OSBPL11: variants seen among roughly 807,000 people sequenced by gnomAD.
The protein encoded by OSBPL11 is oxysterol binding protein like 11, also known as oxysterol-binding protein-related protein 11.
Under a neutral mutation model 84.4 loss-of-function variants are expected in OSBPL11, and 33 were observed. The observed-to-expected ratio is 0.39, with a 90% CI of 0.30 to 0.52. The LOEUF (loss-of-function observed/expected upper bound fraction) is 0.52. Among genes scored for constraint, OSBPL11 ranks in the 20% least tolerant of loss-of-function variants. OSBPL11 has a pLI of 0.72. For missense variants in OSBPL11, 736 were observed against 901.1 expected (o/e 0.82, Z 2.35); for synonymous variants, 276 against 310.2 (o/e 0.89, Z 1.16).
At chr3:125,586,190 T>C (rs1936507665) in intron 1 of OSBPL11, among the ~76,000 whole-genome samples, 1 of 152,236 alleles carries the variant, frequency 6.6e-6, no homozygotes, top group Non-Finnish European at 1.5e-5. Flanking sequence ...TATCTGATTA[T>C]ATTATACTAT....
chr3:125,552,688 ACAAT>A lies in OSBPL11; in HGVS notation c.1156-13_1156-10del. The stretch of plus-strand genomic sequence containing the variant: ...AATGTAGGAAGCACCACCTAAAACA[ACAAT>A]CAATGAAAGAGGGGAAATTTAATCC... On this transcript the variant is annotated splice_polypyrimidine_tract_variant and intron_variant, in intron 8 of 12. Transcript: ENST00000296220. The A allele has an allele frequency of 6.2e-7, 1 of 1,604,296 alleles. No individual in the cohort carries two copies. The highest frequency in any genetic ancestry group is 8.5e-7 in the Non-Finnish European group (1 of 1,175,058).
intron 1 of OSBPL11, among the ~76,000 whole-genome samples, chr3:125,594,102 G>A (rs1448458307): frequency 6.6e-6 from 1 of 152,214 alleles, no homozygotes; most frequent in African/African-American, 2.4e-5. Flanking sequence ...CTCAGGTTTA[G>A]TTTATCAGAG....
chr3:125,531,267 C>T (rs1433259654), intron 12 of OSBPL11, among the ~76,000 whole-genome samples: 11 of 150,570 alleles, frequency 7.3e-5, no homozygotes, highest in African/African-American at 1.7e-4. Flanking sequence ...CGTGAGCCAC[C>T]GCGCCAGGCC....
chr3:125,538,740 A>G, intron 10 of OSBPL11, 107 bp from the exon 11 acceptor site: 2 of 926,766 alleles, frequency 2.2e-6, no homozygotes, highest in South Asian at 3.8e-5. Context: ...GAAATTAGTT[A>G]TATACCTCAC....
chr3:125,562,211 A>G (rs1272172275), intron 7 of OSBPL11, among the ~76,000 whole-genome samples: 3 of 152,164 alleles, frequency 2.0e-5, no homozygotes, highest in Non-Finnish European at 2.9e-5. Flanking sequence ...AGAAAAAAAT[A>G]TATTGCTTTA....
chr3:125,544,130 A>T (rs1370228257), intron 10 of OSBPL11, among the ~76,000 whole-genome samples: 1 of 144,492 alleles, frequency 6.9e-6, no homozygotes, highest in Non-Finnish European at 1.5e-5. Context: ...ATCTTGGCTC[A>T]CTGCAATCTC....
At chr3:125,546,725 A>C (rs1935823756) in intron 10 of OSBPL11, among the ~76,000 whole-genome samples, 1 of 151,996 alleles carries the variant, frequency 6.6e-6, no homozygotes, top group South Asian at 2.1e-4. Context: ...AGCCCATCTC[A>C]ACTAAAAATA....
At chr3:125,549,979 T>TC (rs1350425053) in intron 9 of OSBPL11, among the ~76,000 whole-genome samples, 1 of 152,204 alleles carries the variant, frequency 6.6e-6, no homozygotes, top group East Asian at 1.9e-4. Context: ...CAGTTTTTTT[T>TC]CACTTATAAA....
intron 8 of OSBPL11, among the ~76,000 whole-genome samples, chr3:125,558,064 G>A (rs1225985311): frequency 2.0e-5 from 3 of 151,930 alleles, no homozygotes; most frequent in East Asian, 1.9e-4. Flanking sequence ...AAAGTGCTGC[G>A]ATTACAGGCA....
chr3:125,576,171 A>G lies in OSBPL11; in HGVS notation c.666+18T>C, dbSNP rs1182434889. 6.3e-7 allele frequency: 1 copy of G among 1,587,834 alleles called. No homozygotes were observed. The highest frequency in any genetic ancestry group is 1.4e-5 in the African/African-American group (1 of 72,894). On this transcript the variant is annotated intron_variant, in intron 5 of 12. Coordinates refer to ENST00000296220, the MANE Select transcript of OSBPL11 (RefSeq NM_022776.5). ...AAATCATTTTGTGCATTTTAACTTG[A>G]CTTTAATTCATACTTACTTCTCTGA...
chr3:125,554,778 C>T (rs988072783), intron 8 of OSBPL11, among the ~76,000 whole-genome samples: 2 of 151,298 alleles, frequency 1.3e-5, no homozygotes, highest in African/African-American at 4.9e-5. Flanking sequence ...AGATAAAAGG[C>T]GAGGAAATCT....
rs1335240179 is a variant in OSBPL11 at position 125,567,562 on chromosome 3, A to C, written c.700T>G (p.Leu234Val). Residue 234 changes from leucine (L) to valine (V), a missense_variant, in exon 6 of 13, where the codon TTA becomes GTA. Leu to Val is a conservative substitution (Grantham distance 32, BLOSUM62 1). Transcript: ENST00000296220. ...GGAAGGCATTCAATTCGTCTAATTA[A>C]GTCTCTTTGTTGTCCTTCAGCATGA... The part of the protein sequence containing the change: ...MSHAEGQQRD[L>V]IRRIECLPTS... The C allele has an allele frequency of 1.9e-6, 3 of 1,614,064 alleles. No individual in the cohort carries two copies. The highest frequency in any genetic ancestry group is 2.5e-6 in the Non-Finnish European group (3 of 1,180,020).
At position 125,530,553 on chromosome 3, in the gene OSBPL11, G is replaced by C; in HGVS notation, c.2206C>G (p.Leu736Val). ...EGDGWVYHKP[L>V]WKIIPTTQPA... ...TGTGTTGTTGGAATTATTTTCCAAAGTGGTTTATGATAAACCCAGCCATCT... is the reference window on the plus strand; with the variant it reads ...TGTGTTGTTGGAATTATTTTCCAAACTGGTTTATGATAAACCCAGCCATCT... Residue 736 changes from leucine to valine, a missense_variant, in exon 13 of 13, where the codon CTT (leucine) becomes GTT (valine). This residue lies in a region of OSBPL11 where 579 missense variants were observed against 717.6 expected (regional missense o/e 0.81). Transcript: ENST00000296220. The C allele has an allele frequency of 6.2e-7, 1 of 1,613,930 alleles. No homozygotes were observed. Among genetic ancestry groups the C allele is most frequent in the African/African-American group, 1.3e-5 (1 of 75,030 alleles).
At chr3:125,549,153 T>C (rs1005172037) in intron 9 of OSBPL11, among the ~76,000 whole-genome samples, 20 of 152,010 alleles carry the variant, frequency 1.3e-4, no homozygotes, top group Non-Finnish European at 2.5e-4. Flanking sequence ...TCCCAAGTAG[T>C]TGGGATTACA....
At chr3:125,571,769 A>T (rs765056638) in intron 5 of OSBPL11, among the ~76,000 whole-genome samples, 1 of 152,212 alleles carries the variant, frequency 6.6e-6, no homozygotes, top group South Asian at 2.1e-4. Flanking sequence ...GAATGTAAGG[A>T]AACACCTGGA....
intron 4 of OSBPL11, among the ~76,000 whole-genome samples, chr3:125,577,627 A>T (rs1464527438): frequency 6.6e-6 from 1 of 152,076 alleles, no homozygotes; most frequent in Non-Finnish European, 1.5e-5. Flanking sequence ...CAAGAGTTCG[A>T]GACCAGCCTG....
intron 11 of OSBPL11, among the ~76,000 whole-genome samples, chr3:125,536,462 T>A (rs572285631): frequency 1.2e-3 from 183 of 152,286 alleles, no homozygotes; most frequent in Middle Eastern, 3.4e-3. Context: ...TACAATATTT[T>A]AAAAAATCAC....
Position 125,563,771 on chromosome 3 carries a change from AAGGGCTGGTCAG to A in OSBPL11, c.929_940del (p.Ala310_Phe314delinsVal). On this transcript the variant is annotated inframe_deletion, in exon 7 of 13. Transcript: ENST00000296220. Reference sequence around the variant, plus strand: ...CACCGGCTTACTCTGATCAGTTGCAAAGGGCTGGTCAGCTCCATTTTTATAGTGGTTTGATAA... The same window carrying A: ...CACCGGCTTACTCTGATCAGTTGCAACTCCATTTTTATAGTGGTTTGATAA... 1 of 1,614,204 alleles carries A rather than the reference AAGGGCTGGTCAG, an allele frequency of 6.2e-7. No homozygotes were observed. Among genetic ancestry groups the A allele is most frequent in the Non-Finnish European group, 8.5e-7 (1 of 1,180,018 alleles).
chr3:125,591,018 G>A (rs1005338677), intron 1 of OSBPL11, among the ~76,000 whole-genome samples: 1 of 152,170 alleles, frequency 6.6e-6, no homozygotes, highest in Non-Finnish European at 1.5e-5. Flanking sequence ...TAATAATGCT[G>A]TATCTTCCTC....
Sources: gnomAD v4.1 joint callset for allele counts (sites outside exome capture counted in the v4.1 genomes callset) on GRCh38, gnomAD v4.1.1 for gene constraint, gnomAD v4.1.1 regional missense constraint, MANE v1.5 for transcripts, NCBI Gene and HGNC (gene_info 2026-07-23, HGNC 2026-07-21) for gene names.